ENTHD1: variants seen among roughly 807,000 people sequenced by gnomAD.
The protein encoded by ENTHD1 is ENTH domain containing 1, also known as ENTH domain-containing protein 1.
A neutral mutation model predicts 39.1 loss-of-function variants in ENTHD1; 23 were observed. The ratio of observed to expected loss-of-function variants is 0.59; its 90% CI spans 0.42 to 0.83. ENTHD1 has a LOEUF of 0.83. Ranked by LOEUF, ENTHD1 falls within the 40% of genes least tolerant of loss-of-function variation. The pLI, the probability that ENTHD1 is intolerant of heterozygous loss-of-function variation, is 0.00. For missense variants in ENTHD1, 624 were observed against 705.4 expected, an observed-to-expected ratio of 0.88 and a Z score of 1.31; for synonymous variants, 230 against 258.2, an observed-to-expected ratio of 0.89 and a Z score of 1.05.
chr22:39,813,455 G>C (rs552904911), intron 5 of ENTHD1, among the ~76,000 whole-genome samples: 3 of 152,116 alleles, frequency 2.0e-5, no homozygotes, highest in Non-Finnish European at 2.9e-5. Flanking sequence ...GGAATTCAAG[G>C]TTATTTTAAT....
chr22:39,760,878 A>G (rs1041881414), intron 6 of ENTHD1, among the ~76,000 whole-genome samples: 1 of 152,084 alleles, frequency 6.6e-6, no homozygotes, highest in Non-Finnish European at 1.5e-5. Context: ...CAATGGTATA[A>G]TTCCATGAAC....
At chr22:39,846,116 C>T (rs1667273243) in intron 3 of ENTHD1, among the ~76,000 whole-genome samples, 1 of 152,082 alleles carries the variant, frequency 6.6e-6, no homozygotes, top group African/African-American at 2.4e-5. Context: ...CTGGATAATC[C>T]ACCACACATA....
intron 5 of ENTHD1, among the ~76,000 whole-genome samples, chr22:39,804,341 C>T (rs1312738311): frequency 6.6e-6 from 1 of 151,188 alleles, no homozygotes; most frequent in Non-Finnish European, 1.5e-5. Flanking sequence ...AAAAAATTAG[C>T]TAGGCGAGGT....
chr22:39,875,236 C>T lies in ENTHD1; in HGVS notation c.349+12164G>A, dbSNP rs2066278023. The T allele has an allele frequency of 2.8e-6, 3 of 1,078,880 alleles. No homozygotes were observed. In the South Asian group the frequency reaches 1.3e-4, roughly 46 times the overall value. 66.8% of individuals were successfully genotyped at this position (1,078,880 alleles called of 1,614,324 possible). ...GAAACTGAAGAACACATACGGTATG[C>T]TTCCATTTATATAAATTTTAAGAAC... On this transcript the variant is annotated intron_variant, in intron 2 of 6. Coordinates refer to ENST00000325157, the MANE Select transcript of ENTHD1 (RefSeq NM_152512.4).
At chr22:39,830,581 G>A (rs1373633896) in intron 4 of ENTHD1, among the ~76,000 whole-genome samples, 1 of 152,116 alleles carries the variant, frequency 6.6e-6, no homozygotes, top group Non-Finnish European at 1.5e-5. Context: ...GGAACACTAA[G>A]AAAAGCACTC....
At position 39,835,886 on chromosome 22, in the gene ENTHD1, G is replaced by A; in HGVS notation, c.665C>T (p.Ser222Phe). The A allele has an allele frequency of 5.0e-6, 8 of 1,609,038 alleles. No homozygotes were observed. The highest frequency in any genetic ancestry group is 5.1e-6 in the Non-Finnish European group (6 of 1,177,430). Residue 222 changes from serine (S) to phenylalanine (F), a missense_variant, in exon 4 of 7, where the codon TCC becomes TTC. Physicochemically the swap from Ser to Phe is radical, Grantham distance 155. Coordinates refer to ENST00000325157, the MANE Select transcript of ENTHD1 (RefSeq NM_152512.4). ...AATCTTGAGTGGAAGTGTTTCCTGG[G>A]ACAACATAGTTTCTGTAGGCAAATG... Reference protein sequence around the residue: ...DVHLPTETMLSQETLPLKIHG... With the variant: ...DVHLPTETMLFQETLPLKIHG...
At chr22:39,808,682 TAA>T (rs1164390233) in intron 5 of ENTHD1, among the ~76,000 whole-genome samples, 1 of 152,224 alleles carries the variant, frequency 6.6e-6, no homozygotes, top group Non-Finnish European at 1.5e-5. Context: ...CTAAAATTCA[TAA>T]ATAGTTCAAA....
At chr22:39,832,403 A>C (rs2065875910) in intron 4 of ENTHD1, among the ~76,000 whole-genome samples, 1 of 152,212 alleles carries the variant, frequency 6.6e-6, no homozygotes, top group Non-Finnish European at 1.5e-5. Context: ...AGATGATCTA[A>C]TCACAATGCA....
At chr22:39,790,851 C>T (rs895272433) in intron 5 of ENTHD1, among the ~76,000 whole-genome samples, 1 of 152,208 alleles carries the variant, frequency 6.6e-6, no homozygotes, top group South Asian at 2.1e-4. Flanking sequence ...TGGGTGAAGA[C>T]TCACAACATG....
intron 3 of ENTHD1, among the ~76,000 whole-genome samples, chr22:39,859,362 C>G (rs1555941144): frequency 6.6e-6 from 1 of 152,196 alleles, no homozygotes; most frequent in Non-Finnish European, 1.5e-5. Context: ...CCTTTACATT[C>G]ATAACTTAGC....
At chr22:39,818,598 A>T (rs2146644826) in intron 5 of ENTHD1, among the ~76,000 whole-genome samples, 1 of 152,338 alleles carries the variant, frequency 6.6e-6, no homozygotes, top group East Asian at 1.9e-4. Flanking sequence ...GTACTATTTT[A>T]AAAATTAGAC....
At chr22:39,770,173 A>G (rs111795086) in intron 5 of ENTHD1, among the ~76,000 whole-genome samples, 1 of 151,852 alleles carries the variant, frequency 6.6e-6, no homozygotes, top group African/African-American at 2.4e-5. Context: ...ACCCTTCTAT[A>G]CTCTTGCTTT....
At chr22:39,759,133 G>A (rs1202194857) in intron 6 of ENTHD1, among the ~76,000 whole-genome samples, 1 of 152,136 alleles carries the variant, frequency 6.6e-6, no homozygotes, top group African/African-American at 2.4e-5. Context: ...CATAAAATGA[G>A]TTGGGTAGTC....
chr22:39,765,328 T>G lies in ENTHD1; in HGVS notation c.1114A>C (p.Lys372Gln). ...VETLCLSPSF[K>Q]IFDRVKEIVI... ...ATCTCCTTCACTCGGTCAAATATTT[T>G]GAATGAGGGAGAGAGACAGAGTGTT... The change falls in exon 6 of 7, where the codon AAA (lysine) becomes CAA (glutamine). Residue 372 changes from lysine to glutamine, a missense_variant. Transcript: ENST00000325157. 1 of 1,613,900 alleles carries G rather than the reference T, an allele frequency of 6.2e-7. No individual in the cohort carries two copies.
chr22:39,819,193 C>T (rs1018904488), intron 5 of ENTHD1, among the ~76,000 whole-genome samples: 2 of 151,854 alleles, frequency 1.3e-5, no homozygotes, highest in Admixed American at 6.6e-5. Flanking sequence ...GGTGAAACCC[C>T]GACTCTACTA....
At chr22:39,883,003 CAAAAAAAA>C (rs58964198) in intron 2 of ENTHD1, among the ~76,000 whole-genome samples, 4 of 48,288 alleles carry the variant, frequency 8.3e-5, no homozygotes, top group Non-Finnish European at 1.7e-4. Context: ...GACTTCATCT[CAAAAAAAA>C]AAAAAAAAAA....
chr22:39,857,546 A>G (rs1443782525), intron 3 of ENTHD1, among the ~76,000 whole-genome samples: 1 of 150,518 alleles, frequency 6.6e-6, no homozygotes, highest in Non-Finnish European at 1.5e-5. Flanking sequence ...TTACTTCTGT[A>G]TCAATTTAGG....
chr22:39,847,592 G>A (rs2066001058), intron 3 of ENTHD1, among the ~76,000 whole-genome samples: 1 of 151,292 alleles, frequency 6.6e-6, no homozygotes, highest in African/African-American at 2.4e-5. Context: ...GGGTCTTGCT[G>A]TGTTGCTCAG....
chr22:39,793,318 A>C (rs2065519979), intron 5 of ENTHD1, among the ~76,000 whole-genome samples: 1 of 145,306 alleles, frequency 6.9e-6, no homozygotes, highest in South Asian at 2.1e-4. Flanking sequence ...TCCCTTGCTC[A>C]CTTTTTAATG....
Sources: gnomAD v4.1 joint callset for allele counts (sites outside exome capture counted in the v4.1 genomes callset) on GRCh38, gnomAD v4.1.1 for gene constraint, MANE v1.5 for transcripts, NCBI Gene and HGNC (gene_info 2026-07-23, HGNC 2026-07-21) for gene names.